LAMC2: variants seen among roughly 807,000 people sequenced by gnomAD.
The protein encoded by LAMC2 is laminin subunit gamma-2.
A neutral mutation model predicts 140.2 loss-of-function variants in LAMC2; 97 were observed. That is an observed-to-expected ratio of 0.69 (90% CI 0.59 to 0.82). The LOEUF (loss-of-function observed/expected upper bound fraction) is 0.82, where lower values mean the gene tolerates loss of function less well. LAMC2 is among the 40% of genes least tolerant of loss of function. The pLI is 0.00. For synonymous variants in LAMC2, 513 were observed against 540.2 expected, an observed-to-expected ratio of 0.95 and a Z score of 0.70; for missense variants, 1,402 against 1,476.1, an observed-to-expected ratio of 0.95 and a Z score of 0.82.
intron 3 of LAMC2, among the ~76,000 whole-genome samples, chr1:183,217,128 A>C (rs1659294190): frequency 6.6e-6 from 1 of 152,122 alleles, no homozygotes; most frequent in Non-Finnish European, 1.5e-5. Context: ...AGGGAGAAGG[A>C]GGGGTCAAGG....
the LAMC2 span, among the ~76,000 whole-genome samples, chr1:183,257,778 T>C: frequency 3.3e-5 from 5 of 151,438 alleles, no homozygotes; most frequent in African/African-American, 1.2e-4. Flanking sequence ...TAAAGGTTTG[T>C]CAATTTTGTT....
chr1:183,240,304 G>C lies in LAMC2; in HGVS notation c.3241G>C (p.Ala1081Pro). 6.2e-7 allele frequency: 1 copy of C among 1,614,160 alleles called. No individual in the cohort carries two copies. Among genetic ancestry groups the C allele is most frequent in the East Asian group, 2.2e-5 (1 of 44,884 alleles). The change falls in exon 22 of 23, where the codon GCC becomes CCC. Residue 1081 changes from alanine (A) to proline (P), a missense_variant. Ala to Pro is a conservative substitution (Grantham distance 27). Coordinates refer to ENST00000264144, the MANE Select transcript of LAMC2 (RefSeq NM_005562.3). ...TATTTGTCCTCAGGTGATTACAGAA[G>C]CCCAGAAGGTTGATACCAGAGCCAA... is the stretch of plus-strand genomic sequence containing the variant. The part of the protein sequence containing the change: ...MDAVQMVITE[A>P]QKVDTRAKNA...
At chr1:183,216,371 A>G (rs1177980602) in intron 3 of LAMC2, among the ~76,000 whole-genome samples, 1 of 152,142 alleles carries the variant, frequency 6.6e-6, no homozygotes, top group Non-Finnish European at 1.5e-5. Context: ...TAACCCTTTT[A>G]AAACATAACC....
the LAMC2 span, chr1:183,251,643 A>G: frequency 6.5e-6 from 1 of 152,804 alleles, no homozygotes; most frequent in Admixed American, 6.5e-5. Context: ...GGGAACCCGC[A>G]CTGTGCCATC....
chr1:183,187,037 G>A (rs1364117717), intron 1 of LAMC2, among the ~76,000 whole-genome samples: 1 of 152,192 alleles, frequency 6.6e-6, no homozygotes, highest in East Asian at 1.9e-4. Flanking sequence ...GCTGTCATGT[G>A]TTAGACGTTA....
intron 1 of LAMC2, among the ~76,000 whole-genome samples, chr1:183,198,303 G>A (rs1048189487): frequency 7.2e-5 from 11 of 151,766 alleles, no homozygotes; most frequent in South Asian, 6.3e-4. Flanking sequence ...CACCACACCC[G>A]GCTAATTTTT....
chr1:183,211,312 G>A (rs1659062681), intron 2 of LAMC2, among the ~76,000 whole-genome samples: 1 of 103,288 alleles, frequency 9.7e-6, no homozygotes. Flanking sequence ...AGTTTTTGAG[G>A]TCTATGTGAT....
intron 1 of LAMC2, among the ~76,000 whole-genome samples, chr1:183,191,387 G>A (rs937950866): frequency 5.3e-5 from 8 of 152,050 alleles, no homozygotes; most frequent in Non-Finnish European, 1.0e-4. Flanking sequence ...TTGTTGATTT[G>A]TGATTCGTGT....
chr1:183,212,439 C>A (rs912071802), intron 2 of LAMC2, among the ~76,000 whole-genome samples: 1 of 152,128 alleles, frequency 6.6e-6, no homozygotes, highest in Non-Finnish European at 1.5e-5. Context: ...CCTTCCTTCT[C>A]TCCTCCTCCC....
intron 1 of LAMC2, among the ~76,000 whole-genome samples, chr1:183,201,543 G>GA (rs1448461748): frequency 5.9e-5 from 9 of 152,186 alleles, no homozygotes; most frequent in Non-Finnish European, 1.3e-4. Flanking sequence ...ACTGATTCCT[G>GA]TTCAAGTAGG....
At chr1:183,190,446 A>T (rs575794948) in intron 1 of LAMC2, among the ~76,000 whole-genome samples, 17 of 152,080 alleles carry the variant, frequency 1.1e-4, no homozygotes, top group Middle Eastern at 3.4e-3. Flanking sequence ...AACCCAAAGC[A>T]GGTTGCAGTT....
intron 11 of LAMC2, 111 bp from the exon 12 acceptor site, chr1:183,230,850 A>G (rs1010165875): frequency 9.6e-6 from 12 of 1,244,816 alleles, no homozygotes; most frequent in Non-Finnish European, 1.4e-5. Context: ...GCATGGAGGT[A>G]TAAAAGGATT....
chr1:183,223,022 G>T, intron 6 of LAMC2, 113 bp from the exon 7 acceptor site: 1 of 908,924 alleles, frequency 1.1e-6, no homozygotes, highest in Non-Finnish European at 1.8e-6. Flanking sequence ...AGGAGTTTTG[G>T]GGCAGCATGA....
intron 1 of LAMC2, among the ~76,000 whole-genome samples, chr1:183,198,253 T>G (rs1658587740): frequency 6.6e-6 from 1 of 151,596 alleles, no homozygotes; most frequent in Non-Finnish European, 1.5e-5. Context: ...GTGATTCCCC[T>G]GCCTCAGCCA....
At chr1:183,209,984 T>C (rs1298054900) in intron 2 of LAMC2, among the ~76,000 whole-genome samples, 1 of 152,218 alleles carries the variant, frequency 6.6e-6, no homozygotes, top group African/African-American at 2.4e-5. Context: ...TTATGTCTTA[T>C]ATGATAGTTA....
chr1:183,245,250 A>G (rs680004), downstream of LAMC2, among the ~76,000 whole-genome samples: 5,565 of 152,300 alleles, frequency 0.037, 350 homozygotes, highest in African/African-American at 0.13. Flanking sequence ...AGAAGTTAAA[A>G]TGTACTAAAT....
At chr1:183,207,147 C>G (rs1318035674) in intron 1 of LAMC2, among the ~76,000 whole-genome samples, 1 of 152,192 alleles carries the variant, frequency 6.6e-6, no homozygotes, top group Non-Finnish European at 1.5e-5. Flanking sequence ...GAAGGCCCAT[C>G]ATCTCTCTCT....
intron 3 of LAMC2, 77 bp from the exon 4 acceptor site, chr1:183,218,313 T>A (rs1273436896): frequency 8.7e-7 from 1 of 1,151,590 alleles, no homozygotes; most frequent in East Asian, 2.3e-5. Flanking sequence ...TGTTTGCTCA[T>A]GAGCAGTTGA....
rs370051807 is a variant in LAMC2, at chr1:183,232,355, C to A, written c.2014+12C>A. ...CCAGATTTCAGAAGGTGATGAAGGCCAACTTCCCTTCAGACAGAAGAGAAT... is the reference window on the plus strand; with the variant it reads ...CCAGATTTCAGAAGGTGATGAAGGCAAACTTCCCTTCAGACAGAAGAGAAT... On this transcript the variant is annotated intron_variant, in intron 13 of 22. Transcript: ENST00000264144. The A allele has an allele frequency of 8.9e-5, 144 of 1,613,652 alleles. No homozygotes were observed. The highest frequency in any genetic ancestry group is 1.7e-4 in the Middle Eastern group (1 of 5,932).
Sources: allele counts gnomAD v4.1 joint callset (sites outside exome capture counted in the v4.1 genomes callset), GRCh38; gene constraint gnomAD v4.1.1; transcripts MANE v1.5; gene names NCBI Gene and HGNC (gene_info 2026-07-23, HGNC 2026-07-21).